Variants in ZNF366 observed in about 807,000 individuals in gnomAD.
The protein encoded by ZNF366 is dendritic cell-specific transcript protein.
Under a neutral mutation model 47.2 loss-of-function variants are expected in ZNF366, and 20 were observed. That is an observed-to-expected ratio of 0.42 (90% CI 0.30 to 0.62). The LOEUF is 0.62. Ranked by LOEUF, ZNF366 falls within the 20% of genes least tolerant of loss-of-function variation. The pLI is 0.16. For missense variants in ZNF366, 987 were observed against 976.3 expected, an observed-to-expected ratio of 1.01 and a Z score of -0.15; for synonymous variants, 421 against 395.1, an observed-to-expected ratio of 1.07 and a Z score of -0.78.
In ZNF366 at chr5:72,461,175, C is replaced by A. The variant is rs952631149; in HGVS notation, c.322G>T (p.Gly108Cys). 3 of 1,614,074 alleles carry A rather than the reference C, an allele frequency of 1.9e-6. No homozygotes were observed. Among genetic ancestry groups the A allele is most frequent in the South Asian group, 2.2e-5 (2 of 91,076 alleles). ...ALHSEENKNH[G>C]LPNLPLLFPQ... Reference sequence around the variant, plus strand: ...AACAGCAAAGGGAGGTTGGGAAGGCCGTGGTTTTTGTTCTCCTCTGAGTGG... The same window carrying A: ...AACAGCAAAGGGAGGTTGGGAAGGCAGTGGTTTTTGTTCTCCTCTGAGTGG... Residue 108 changes from glycine to cysteine, a missense_variant, in exon 2 of 5, where the codon GGC (glycine) becomes TGC (cysteine). By Grantham distance (159) the Gly-to-Cys change is radical. This residue lies in a region of ZNF366 where 591 missense variants were observed against 560.9 expected (regional missense o/e 1.05). Transcript: ENST00000318442.
chr5:72,461,272 C>T lies in ZNF366; in HGVS notation c.225G>A (p.Gly75=), dbSNP rs774838436. Residue 75 remains glycine, a synonymous_variant, in exon 2 of 5, where the codon GGG becomes GGA. Coordinates refer to ENST00000318442, the MANE Select transcript of ZNF366 (RefSeq NM_152625.3). ...TGGGCATGCTCTTCCGTTTCCTAGA[C>T]CCTGCTCCTTCGAAGACCCCGGGGA... ...DGFPGVFEGA[G]SRKRKSMPTK... 1.9e-6 allele frequency: 3 copies of T among 1,614,066 alleles called. No individual in the cohort carries two copies. In the Admixed American group the frequency reaches 5.0e-5, roughly 27 times the overall value.
At chr5:72,499,516 G>T (rs995850204) in intron 1 of ZNF366, among the ~76,000 whole-genome samples, 6 of 129,544 alleles carry the variant, frequency 4.6e-5, no homozygotes, top group Admixed American at 3.7e-4. Flanking sequence ...ACGGAGTCTC[G>T]CTCTGTCACC....
At chr5:72,450,451 A>C (rs1436833019) in intron 3 of ZNF366, among the ~76,000 whole-genome samples, 1 of 152,198 alleles carries the variant, frequency 6.6e-6, no homozygotes. Context: ...ACTCAGTATC[A>C]AGCACAGGAC....
chr5:72,504,478 G>C (rs900568732), intron 1 of ZNF366, among the ~76,000 whole-genome samples: 1 of 152,160 alleles, frequency 6.6e-6, no homozygotes, highest in Non-Finnish European at 1.5e-5. Context: ...GAGCTGTGTT[G>C]AATACAGCTG....
chr5:72,477,979 T>C (rs1271179165), intron 1 of ZNF366, among the ~76,000 whole-genome samples: 2 of 152,206 alleles, frequency 1.3e-5, no homozygotes, highest in Non-Finnish European at 2.9e-5. Flanking sequence ...TGAGCCCACT[T>C]ATATAATGGC....
At chr5:72,458,753 C>G (rs190840587) in intron 2 of ZNF366, among the ~76,000 whole-genome samples, 1 of 152,258 alleles carries the variant, frequency 6.6e-6, no homozygotes, top group East Asian at 1.9e-4. Context: ...GAGTGAAACA[C>G]CTGTCATATA....
chr5:72,444,400 A>T (rs1742920929), intron 4 of ZNF366, 109 bp from the exon 5 acceptor site: 5 of 1,219,076 alleles, frequency 4.1e-6, no homozygotes, highest in Non-Finnish European at 4.5e-6. Context: ...TGCGTATTTT[A>T]AAAATAGATC....
At chr5:72,503,380 A>G (rs1744253245) in intron 1 of ZNF366, among the ~76,000 whole-genome samples, 1 of 152,168 alleles carries the variant, frequency 6.6e-6, no homozygotes, top group Non-Finnish European at 1.5e-5. Flanking sequence ...ATTTACAGTT[A>G]ATGTTAATGC....
chr5:72,447,417 G>T lies in ZNF366; in HGVS notation c.1525C>A (p.Leu509Ile). ...HSDVKPFKCKLCGKEFNRMHN... is the reference protein window; with the variant it reads ...HSDVKPFKCKICGKEFNRMHN... ...ATCCGGTTGAATTCCTTCCCACAAA[G>T]CTGTTGAAGATGGGGATGAGAACAC... The change falls in exon 4 of 5, where the codon CTT becomes ATT. Residue 509 changes from leucine (L) to isoleucine (I), a missense_variant and splice_region_variant. Around this residue, in one of 3 missense-constraint regions of ZNF366, gnomAD observed 111 missense variants for 180.5 expected, o/e 0.61. Transcript: ENST00000318442. 1.2e-6 allele frequency: 2 copies of T among 1,614,102 alleles called. No homozygotes were observed. The highest frequency in any genetic ancestry group is 1.7e-6 in the Non-Finnish European group (2 of 1,180,006).
Position 72,456,447 on chromosome 5 carries a change from G to A in ZNF366, c.1481C>T (p.Ala494Val). The A allele has an allele frequency of 6.2e-7, 1 of 1,613,558 alleles. No homozygotes were observed. The highest frequency in any genetic ancestry group is 8.5e-7 in the Non-Finnish European group (1 of 1,179,538). The change falls in exon 3 of 5, where the codon GCA (alanine) becomes GTA (valine). Residue 494 changes from alanine (A) to valine (V), a missense_variant. Ala to Val is a moderately conservative substitution (Grantham distance 64). Transcript: ENST00000318442. Reference protein sequence around the residue: ...KSFVQKQTLKAHMIVHSDVKP... With the variant: ...KSFVQKQTLKVHMIVHSDVKP... ...CACGTCAGAGTGGACGATCATGTGT[G>A]CCTTGAGGGTCTGCTTCTGCACGAA...
intron 1 of ZNF366, among the ~76,000 whole-genome samples, chr5:72,498,537 C>T (rs1477332701): frequency 6.6e-6 from 1 of 152,216 alleles, no homozygotes; most frequent in African/African-American, 2.4e-5. Flanking sequence ...TTATGAATTG[C>T]TAGTAGTAAC....
chr5:72,460,858 C>T lies in ZNF366; in HGVS notation c.639G>A (p.Leu213=), dbSNP rs369815771. The part of the protein sequence containing the change: ...FLPKQPPEPL[L]PRKAEPQESE... Reference sequence around the variant, plus strand: ...TCTCCTGGGGCTCGGCTTTCCGGGGCAGCAGAGGTTCCGGGGGCTGCTTGG... The same window carrying T: ...TCTCCTGGGGCTCGGCTTTCCGGGGTAGCAGAGGTTCCGGGGGCTGCTTGG... Residue 213 remains leucine (L), a synonymous_variant, in exon 2 of 5, where the codon CTG becomes CTA. Coordinates refer to ENST00000318442, the MANE Select transcript of ZNF366 (RefSeq NM_152625.3). 3 of 1,614,042 alleles carry T rather than the reference C, an allele frequency of 1.9e-6. No individual in the cohort carries two copies. The highest frequency in any genetic ancestry group is 1.7e-5 in the Admixed American group (1 of 60,024).
intron 1 of ZNF366, among the ~76,000 whole-genome samples, chr5:72,465,941 A>G (rs921746885): frequency 1.4e-4 from 22 of 152,254 alleles, no homozygotes; most frequent in Non-Finnish European, 1.3e-4. Context: ...GGTTGTTGGA[A>G]ATTTAGAATG....
At chr5:72,503,648 T>C (rs565723812) in intron 1 of ZNF366, among the ~76,000 whole-genome samples, 1 of 152,334 alleles carries the variant, frequency 6.6e-6, no homozygotes, top group East Asian at 1.9e-4. Context: ...TGTCAAGTCA[T>C]GCATATAGGA....
intron 1 of ZNF366, among the ~76,000 whole-genome samples, chr5:72,465,057 A>G (rs1315899143): frequency 6.6e-6 from 1 of 151,926 alleles, no homozygotes; most frequent in East Asian, 1.9e-4. Flanking sequence ...GACTCTGTCT[A>G]AAAAAAAGAA....
chr5:72,484,921 A>T (rs1234172500), intron 1 of ZNF366, among the ~76,000 whole-genome samples: 2 of 151,916 alleles, frequency 1.3e-5, no homozygotes, highest in Non-Finnish European at 2.9e-5. Context: ...AAATTACCAT[A>T]GAAGGACCTA....
chr5:72,488,346 G>T (rs992437620), intron 1 of ZNF366, among the ~76,000 whole-genome samples: 3 of 152,090 alleles, frequency 2.0e-5, no homozygotes, highest in African/African-American at 4.8e-5. Context: ...TTTGAACAAA[G>T]ATTTTTTTTC....
chr5:72,495,980 C>T (rs1319355646), intron 1 of ZNF366, among the ~76,000 whole-genome samples: 2 of 146,588 alleles, frequency 1.4e-5, no homozygotes, highest in Non-Finnish European at 3.0e-5. Flanking sequence ...GAAAAATACA[C>T]TTTTTTTTTT....
In ZNF366 at chr5:72,460,882, G is replaced by A. The variant is rs1254015105; in HGVS notation, c.615C>T (p.Pro205=). 1 of 1,613,670 alleles carries A rather than the reference G, an allele frequency of 6.2e-7. No homozygotes were observed. Among genetic ancestry groups the A allele is most frequent in the South Asian group, 1.1e-5 (1 of 91,066 alleles). ...PFPFSRHTFL[P]KQPPEPLLPR... ...GCAGCAGAGGTTCCGGGGGCTGCTT[G>A]GGCAGGAAGGTGTGCCGGCTGAAGG... The change falls in exon 2 of 5, where the codon CCC becomes CCT. Residue 205 remains proline, a synonymous_variant. Coordinates refer to ENST00000318442, the MANE Select transcript of ZNF366 (RefSeq NM_152625.3).
Sources: gnomAD v4.1 joint callset for allele counts (sites outside exome capture counted in the v4.1 genomes callset) on GRCh38, gnomAD v4.1.1 for gene constraint, gnomAD v4.1.1 regional missense constraint, MANE v1.5 for transcripts, NCBI Gene and HGNC (gene_info 2026-07-23, HGNC 2026-07-21) for gene names.